The following IRAK4 variants were observed in gnomAD, a reference collection of about 807,000 sequenced individuals.
The protein encoded by IRAK4 is interleukin-1 receptor-associated kinase 4.
In IRAK4, 44 loss-of-function variants were observed where a neutral mutation model predicts 51.8. The observed-to-expected ratio is 0.85, with a 90% confidence interval of 0.67 to 1.09. IRAK4 has a LOEUF of 1.09. IRAK4 is among the 50% of genes least tolerant of loss of function. The pLI is 0.00. For synonymous variants in IRAK4, 149 were observed against 174.1 expected (o/e 0.86, Z 1.13); for missense variants, 487 against 538.0 (o/e 0.91, Z 0.94).
Position 43,771,378 on chromosome 12 carries a change from T to C in IRAK4, c.307+13T>C. ...CTTTTGCTCCCAGGTAAACTGATTG[T>C]GACCAGGGTGTCCACAATTAGGGTG... is the stretch of plus-strand genomic sequence containing the variant. On this transcript the variant is annotated intron_variant, in intron 3 of 11. Coordinates refer to ENST00000613694, the MANE Select transcript of IRAK4 (RefSeq NM_016123.4). 1 of 1,613,886 alleles carries C rather than the reference T, an allele frequency of 6.2e-7. No individual in the cohort carries two copies. The highest frequency in any genetic ancestry group is 1.1e-5 in the South Asian group (1 of 91,080).
chr12:43,778,718 A>G (rs1041423080), intron 8 of IRAK4, among the ~76,000 whole-genome samples: 1 of 152,092 alleles, frequency 6.6e-6, no homozygotes, highest in Non-Finnish European at 1.5e-5. Context: ...ATAGAGCTCA[A>G]CATCAATCAA....
chr12:43,779,381 G>A (rs1336261086), intron 8 of IRAK4, among the ~76,000 whole-genome samples: 2 of 152,186 alleles, frequency 1.3e-5, no homozygotes, highest in East Asian at 3.9e-4. Context: ...ATAGATCAAG[G>A]TAAGGCTTTT....
At chr12:43,782,737 A>T (rs952539714) in intron 9 of IRAK4, among the ~76,000 whole-genome samples, 1 of 152,188 alleles carries the variant, frequency 6.6e-6, no homozygotes, top group African/African-American at 2.4e-5. Context: ...AATTAGCATG[A>T]CACCTAATGC....
intron 6 of IRAK4, among the ~76,000 whole-genome samples, chr12:43,777,167 G>C (rs983367432): frequency 6.6e-5 from 10 of 152,176 alleles, no homozygotes; most frequent in African/African-American, 2.2e-4. Context: ...AAAGTGGTAG[G>C]AGCACTTGAG....
chr12:43,780,982 C>T (rs985255110), intron 8 of IRAK4, among the ~76,000 whole-genome samples: 1 of 152,098 alleles, frequency 6.6e-6, no homozygotes, highest in African/African-American at 2.4e-5. Flanking sequence ...TTAGTATCCC[C>T]GTACCAAAAA....
chr12:43,775,433 G>A (rs536280711), intron 6 of IRAK4, among the ~76,000 whole-genome samples: 11 of 152,196 alleles, frequency 7.2e-5, no homozygotes, highest in Admixed American at 6.5e-5. Flanking sequence ...CATGTATCCC[G>A]GAACTTAATA....
intron 8 of IRAK4, 65 bp from the exon 9 acceptor site, chr12:43,782,242 G>C: frequency 9.9e-7 from 1 of 1,007,052 alleles, no homozygotes; most frequent in Non-Finnish European, 1.6e-6. Flanking sequence ...ATCTAGCTAA[G>C]GAACTGTTTG....
chr12:43,785,992 G>A (rs1295636362), intron 10 of IRAK4, among the ~76,000 whole-genome samples: 1 of 151,750 alleles, frequency 6.6e-6, no homozygotes, highest in Non-Finnish European at 1.5e-5. Context: ...TCATTTTGTG[G>A]TGGATGGCTG....
chr12:43,768,854 A>ATT (rs2137908262), intron 2 of IRAK4, among the ~76,000 whole-genome samples: 1 of 152,214 alleles, frequency 6.6e-6, no homozygotes, highest in East Asian at 1.9e-4. Context: ...TGCATATTTT[A>ATT]TTTTTGTCAG....
At chr12:43,783,294 T>C (rs1453980706) in intron 9 of IRAK4, among the ~76,000 whole-genome samples, 4 of 151,698 alleles carry the variant, frequency 2.6e-5, no homozygotes, top group Admixed American at 2.0e-4. Context: ...GTATTATATA[T>C]ATAATTTATT....
chr12:43,783,636 A>G, intron 9 of IRAK4, 26 bp from the exon 10 acceptor site: 2 of 1,456,460 alleles, frequency 1.4e-6, no homozygotes, highest in Non-Finnish European at 1.9e-6. Context: ...TGTGTATTAT[A>G]TTAATGATTT....
Position 43,772,256 on chromosome 12 carries a change from T to G in IRAK4, c.384T>G (p.Cys128Trp). 1 of 1,613,856 alleles carries G rather than the reference T, an allele frequency of 6.2e-7. No individual in the cohort carries two copies. The highest frequency in any genetic ancestry group is 8.5e-7 in the Non-Finnish European group (1 of 1,179,884). ...ITVQQKQMPF[C>W]DKDRTLMTPV... The stretch of plus-strand genomic sequence containing the variant: ...TTCAGCAAAAACAGATGCCTTTCTG[T>G]GACAAAGACAGGACATTGATGACAC... The change falls in exon 4 of 12, where the codon TGT becomes TGG. Residue 128 changes from cysteine to tryptophan, a missense_variant. By Grantham distance (215) the Cys-to-Trp change is radical (BLOSUM62 -2). Transcript: ENST00000613694.
chr12:43,770,963 C>G, intron 2 of IRAK4: 1 of 607,640 alleles, frequency 1.6e-6, no homozygotes. Context: ...TTTTCTTTTT[C>G]TCTCTCTCTC....
chr12:43,772,805 C>T (rs570269433), intron 4 of IRAK4, 107 bp from the exon 5 acceptor site: 427 of 840,358 alleles, frequency 5.1e-4, no homozygotes, highest in Non-Finnish European at 7.1e-4. Flanking sequence ...TTGTCTAATT[C>T]AAAATCATAA....
At chr12:43,780,685 C>G (rs1173859024) in intron 8 of IRAK4, among the ~76,000 whole-genome samples, 1 of 151,780 alleles carries the variant, frequency 6.6e-6, no homozygotes, top group Non-Finnish European at 1.5e-5. Context: ...GATTCTCGAG[C>G]CTCAGCCTCC....
chr12:43,785,893 C>T (rs1487002573), intron 10 of IRAK4, among the ~76,000 whole-genome samples: 2 of 151,914 alleles, frequency 1.3e-5, no homozygotes, highest in African/African-American at 2.4e-5. Flanking sequence ...TGTATGTAAA[C>T]ATAAAAGAGG....
intron 6 of IRAK4, among the ~76,000 whole-genome samples, chr12:43,775,510 C>T (rs1941181634): frequency 6.6e-6 from 1 of 152,152 alleles, no homozygotes; most frequent in African/African-American, 2.4e-5. Context: ...ATACTTGCTT[C>T]ATGATGTGTG....
At chr12:43,778,372 G>A (rs1462716440) in intron 8 of IRAK4, 70 bp downstream of exon 8, 6 of 849,162 alleles carry the variant, frequency 7.1e-6, no homozygotes, top group East Asian at 2.5e-5. Flanking sequence ...CTCTATTCAC[G>A]ATTCATATGC....
chr12:43,763,982 T>A (rs185460232), intron 1 of IRAK4, among the ~76,000 whole-genome samples: 2 of 152,348 alleles, frequency 1.3e-5, no homozygotes, highest in East Asian at 3.9e-4. Context: ...TTTTTAAAAT[T>A]CTTCTTTCAC....
Sources: allele counts gnomAD v4.1 joint callset (sites outside exome capture counted in the v4.1 genomes callset), GRCh38; gene constraint gnomAD v4.1.1; transcripts MANE v1.5; gene names NCBI Gene and HGNC (gene_info 2026-07-23, HGNC 2026-07-21).